Variants in RBFOX1 observed in about 807,000 individuals in gnomAD.
The protein encoded by RBFOX1 is RNA binding fox-1 homolog 1.
RBFOX1 carries 8 observed loss-of-function variants against 57.7 expected under a neutral mutation model. The ratio of observed to expected loss-of-function variants is 0.14; its 90% CI spans 0.08 to 0.25. The LOEUF is 0.25. Among genes scored for constraint, RBFOX1 ranks in the 10% least tolerant of loss-of-function variants. The pLI is 1.00. For missense variants in RBFOX1, 611 were observed against 548.5 expected (o/e 1.11, Z -1.14); for synonymous variants, 326 against 222.4 (o/e 1.47, Z -4.15).
intron 3 of RBFOX1, among the ~76,000 whole-genome samples, chr16:5,770,684 C>T (rs1417786396): frequency 6.6e-6 from 1 of 152,180 alleles, no homozygotes; most frequent in Non-Finnish European, 1.5e-5. Flanking sequence ...TAGCCAAGAA[C>T]CCTCCTGGGC....
intron 3 of RBFOX1, among the ~76,000 whole-genome samples, chr16:6,949,083 T>C (rs374931630): frequency 6.6e-6 from 1 of 152,094 alleles, no homozygotes; most frequent in Non-Finnish European, 1.5e-5. Flanking sequence ...ATTGTCAAGG[T>C]TTCTTTATCC....
intron 4 of RBFOX1, among the ~76,000 whole-genome samples, chr16:7,502,353 T>C (rs1016577814): frequency 3.3e-5 from 5 of 152,236 alleles, no homozygotes; most frequent in African/African-American, 1.2e-4. Flanking sequence ...GGGAGGTCTC[T>C]GGTTTCATGT....
At chr16:7,314,302 T>A (rs1322231416) in intron 4 of RBFOX1, among the ~76,000 whole-genome samples, 1 of 152,234 alleles carries the variant, frequency 6.6e-6, no homozygotes, top group African/African-American at 2.4e-5. Context: ...ACTGCTTTTG[T>A]TCACTTGCGG....
chr16:7,498,856 G>T (rs534529033), intron 4 of RBFOX1, among the ~76,000 whole-genome samples: 3 of 152,180 alleles, frequency 2.0e-5, no homozygotes, highest in African/African-American at 7.2e-5. Flanking sequence ...AAATGAGATC[G>T]CATGAAAATT....
At chr16:6,652,691 C>A (rs931346186) in intron 2 of RBFOX1, among the ~76,000 whole-genome samples, 1 of 151,976 alleles carries the variant, frequency 6.6e-6, no homozygotes, top group African/African-American at 2.4e-5. Context: ...CCGACTCATA[C>A]AATGAGAGGA....
chr16:6,988,731 A>ATTTTTTTTTTTTTTTTTTTTTTTTTT (rs111959126), intron 3 of RBFOX1, among the ~76,000 whole-genome samples: 1 of 91,298 alleles, frequency 1.1e-5, no homozygotes, highest in African/African-American at 5.3e-5. Context: ...CACCCAGCTA[A>ATTTTTTTTTTTTTTTTTTTTTTTTTT]TTTTTTTTTT....
intron 2 of RBFOX1, among the ~76,000 whole-genome samples, chr16:6,585,311 G>A (rs938449967): frequency 6.6e-6 from 1 of 152,176 alleles, no homozygotes; most frequent in African/African-American, 2.4e-5. Context: ...CTGCCATGAA[G>A]CATTGTCATT....
chr16:7,573,924 C>T (rs989066093), intron 5 of RBFOX1, among the ~76,000 whole-genome samples: 2 of 152,130 alleles, frequency 1.3e-5, no homozygotes, highest in Admixed American at 6.6e-5. Context: ...GGAACTATAA[C>T]TATGAATTCC....
intron 4 of RBFOX1, among the ~76,000 whole-genome samples, chr16:7,078,952 C>G (rs1360725947): frequency 7.0e-6 from 1 of 143,250 alleles, no homozygotes; most frequent in African/African-American, 2.6e-5. Flanking sequence ...TCGTGATCCA[C>G]CCACCTTGGC....
chr16:6,691,284 C>T (rs948787355), intron 3 of RBFOX1, among the ~76,000 whole-genome samples: 3 of 152,080 alleles, frequency 2.0e-5, no homozygotes, highest in African/African-American at 7.2e-5. Flanking sequence ...GTGCGTGCTG[C>T]AGAGGTAGGG....
chr16:7,323,992 G>A (rs943364191), intron 4 of RBFOX1, among the ~76,000 whole-genome samples: 1 of 152,114 alleles, frequency 6.6e-6, no homozygotes, highest in African/African-American at 2.4e-5. Flanking sequence ...TGGAAAGTCT[G>A]GATCAAACAA....
chr16:6,023,442 T>C (rs1198676477), intron 1 of RBFOX1, among the ~76,000 whole-genome samples: 2 of 152,204 alleles, frequency 1.3e-5, no homozygotes, highest in South Asian at 2.1e-4. Context: ...ATTTTTTGTA[T>C]CCAGAAAATT....
chr16:7,659,147 G>A (rs1317426658), intron 12 of RBFOX1, among the ~76,000 whole-genome samples: 2 of 152,198 alleles, frequency 1.3e-5, no homozygotes, highest in African/African-American at 2.4e-5. Flanking sequence ...ATACATCTGT[G>A]TAAACTTCCC....
At chr16:6,759,185 C>T in intron 3 of RBFOX1, among the ~76,000 whole-genome samples, 1 of 149,140 alleles carries the variant, frequency 6.7e-6, no homozygotes, top group Admixed American at 6.7e-5. Flanking sequence ...GAGTCTCGCT[C>T]TGTTGCCCAG....
intron 2 of RBFOX1, among the ~76,000 whole-genome samples, chr16:5,487,353 G>A (rs1297694646): frequency 6.6e-6 from 1 of 152,158 alleles, no homozygotes; most frequent in Non-Finnish European, 1.5e-5. Context: ...AATGAATGGG[G>A]GAATGATGAG....
At chr16:6,955,689 G>GTATTTATTTATTTATTTATTTATT (rs58578302) in intron 3 of RBFOX1, among the ~76,000 whole-genome samples, 135 of 118,716 alleles carry the variant, frequency 1.1e-3, no homozygotes, top group African/African-American at 3.8e-3. Flanking sequence ...AGGTATGTAT[G>GTATTTATTTATTTATTTATTTATT]TATTTATTTA....
At chr16:7,550,408 G>A (rs2085983603) in intron 5 of RBFOX1, among the ~76,000 whole-genome samples, 1 of 152,124 alleles carries the variant, frequency 6.6e-6, no homozygotes, top group African/African-American at 2.4e-5. Flanking sequence ...GGACCTTTAT[G>A]ATCTGAGAGC....
At chr16:5,401,199 A>C (rs2066704490) in intron 1 of RBFOX1, among the ~76,000 whole-genome samples, 2 of 152,320 alleles carry the variant, frequency 1.3e-5, no homozygotes, top group Admixed American at 6.5e-5. Context: ...AAATTTTTAT[A>C]GTCAGTTTTT....
At chr16:7,426,764 G>A (rs937150618) in intron 4 of RBFOX1, among the ~76,000 whole-genome samples, 1 of 151,994 alleles carries the variant, frequency 6.6e-6, no homozygotes, top group African/African-American at 2.4e-5. Flanking sequence ...AGAGTGAAGT[G>A]GTCTGCAGAC....
Sources: allele counts gnomAD v4.1 joint callset (sites outside exome capture counted in the v4.1 genomes callset), GRCh38; gene constraint gnomAD v4.1.1; transcripts MANE v1.5; gene names NCBI Gene and HGNC (gene_info 2026-07-23, HGNC 2026-07-21).